SLC7A2: variants seen among roughly 807,000 people sequenced by gnomAD.
The protein encoded by SLC7A2 is cationic amino acid transporter 2.
A neutral mutation model predicts 58.9 loss-of-function variants in SLC7A2; 48 were observed. The observed-to-expected ratio is 0.82, with a 90% CI of 0.65 to 1.04. SLC7A2 has a LOEUF of 1.04. SLC7A2 is among the 50% of genes least tolerant of loss of function. The pLI, the probability that SLC7A2 is intolerant of heterozygous loss-of-function variation, is 0.00. For synonymous variants in SLC7A2, 363 were observed against 314.5 expected, an observed-to-expected ratio of 1.15 and a Z score of -1.63; for missense variants, 1,029 against 818.8, an observed-to-expected ratio of 1.26 and a Z score of -3.13.
intron 2 of SLC7A2, among the ~76,000 whole-genome samples, chr8:17,515,668 G>C (rs7007605): frequency 0.5 from 76,588 of 151,966 alleles, 21,099 homozygotes; most frequent in Non-Finnish European, 0.62. Flanking sequence ...TTGCTGTAAT[G>C]TACCTACCCA....
At chr8:17,563,505 A>G (rs1803119422) in intron 11 of SLC7A2, 98 bp from the exon 12 acceptor site, 6 of 726,608 alleles carry the variant, frequency 8.3e-6, no homozygotes. Flanking sequence ...ACGTGGTGTG[A>G]AAGTATATAT....
At chr8:17,554,331 G>A (rs7000018) in intron 7 of SLC7A2, among the ~76,000 whole-genome samples, 4,572 of 151,954 alleles carry the variant, frequency 0.03, 115 homozygotes, top group South Asian at 0.07. Context: ...ATTTTGCTGC[G>A]TACTTATCTG....
intron 2 of SLC7A2, among the ~76,000 whole-genome samples, chr8:17,530,446 A>T (rs1488981604): frequency 6.6e-6 from 1 of 152,146 alleles, no homozygotes; most frequent in Non-Finnish European, 1.5e-5. Context: ...TACTCGTTGG[A>T]GAATAGCAAC....
chr8:17,535,051 C>T (rs1233695214), intron 2 of SLC7A2, among the ~76,000 whole-genome samples: 2 of 152,118 alleles, frequency 1.3e-5, no homozygotes, highest in Non-Finnish European at 2.9e-5. Flanking sequence ...TCTTTCTCAT[C>T]CCTTATTTAT....
At chr8:17,545,539 A>C (rs540430062) in intron 4 of SLC7A2, among the ~76,000 whole-genome samples, 1 of 150,956 alleles carries the variant, frequency 6.6e-6, no homozygotes, top group Admixed American at 6.6e-5. Flanking sequence ...CTGGGACTAC[A>C]GGTGCGCGCC....
At chr8:17,516,033 C>T (rs974918436) in intron 2 of SLC7A2, among the ~76,000 whole-genome samples, 7 of 151,990 alleles carry the variant, frequency 4.6e-5, no homozygotes, top group Non-Finnish European at 1.0e-4. Context: ...CTACATCTTG[C>T]CATTCATGTA....
chr8:17,565,025 A>T lies in SLC7A2; in HGVS notation c.1856A>T (p.Asp619Val). The change falls in exon 13 of 13, where the codon GAT becomes GTT. Residue 619 changes from aspartate (D) to valine (V), a missense_variant. Coordinates refer to ENST00000494857, the MANE Select transcript of SLC7A2 (RefSeq NM_001370338.1). ...CTGAGAGATGAAAACAATGAAGAAG[A>T]TGCTTATCCAGACAACGTTCATGCA... ...GHLRDENNEE[D>V]AYPDNVHAAA... 6.2e-7 allele frequency: 1 copy of T among 1,613,946 alleles called. No individual in the cohort carries two copies. The highest frequency in any genetic ancestry group is 8.5e-7 in the Non-Finnish European group (1 of 1,179,926).
chr8:17,556,751 G>A (rs1050405033), intron 8 of SLC7A2, among the ~76,000 whole-genome samples: 11 of 151,982 alleles, frequency 7.2e-5, no homozygotes, highest in Non-Finnish European at 1.0e-4. Flanking sequence ...TCTGATTACA[G>A]TCACGTGCCA....
intron 2 of SLC7A2, among the ~76,000 whole-genome samples, chr8:17,536,953 G>C (rs1017627233): frequency 2.6e-5 from 4 of 152,182 alleles, no homozygotes; most frequent in African/African-American, 9.7e-5. Context: ...CAAGGCCTGG[G>C]GGGACAGAAA....
intron 2 of SLC7A2, among the ~76,000 whole-genome samples, chr8:17,522,528 T>G (rs1801056008): frequency 6.6e-6 from 1 of 152,098 alleles, no homozygotes; most frequent in Non-Finnish European, 1.5e-5. Context: ...CTGGGGAGGA[T>G]TCTTACTATA....
chr8:17,514,630 T>C (rs567012851), intron 2 of SLC7A2, among the ~76,000 whole-genome samples: 3 of 152,304 alleles, frequency 2.0e-5, no homozygotes, highest in South Asian at 2.1e-4. Flanking sequence ...TGGTAGAAGG[T>C]CCTTGCCTTG....
intron 8 of SLC7A2, among the ~76,000 whole-genome samples, chr8:17,555,496 G>A (rs1243452673): frequency 1.3e-5 from 2 of 151,888 alleles, no homozygotes; most frequent in Admixed American, 1.3e-4. Flanking sequence ...CAATTTTTTG[G>A]TCTAGGATAT....
At chr8:17,538,490 A>G (rs547024263) in intron 2 of SLC7A2, among the ~76,000 whole-genome samples, 1 of 152,330 alleles carries the variant, frequency 6.6e-6, no homozygotes, top group South Asian at 2.1e-4. Flanking sequence ...ACCACATGTG[A>G]TAGTCTTTTA....
At chr8:17,549,608 C>G (rs373805844) in intron 5 of SLC7A2, among the ~76,000 whole-genome samples, 1 of 152,156 alleles carries the variant, frequency 6.6e-6, no homozygotes, top group Non-Finnish European at 1.5e-5. Flanking sequence ...TTATTGTATT[C>G]TCTTAATGCT....
intron 2 of SLC7A2, among the ~76,000 whole-genome samples, chr8:17,508,662 T>C (rs1283823432): frequency 6.6e-6 from 1 of 151,930 alleles, no homozygotes; most frequent in Non-Finnish European, 1.5e-5. Context: ...AGATGGAGGT[T>C]ACAGTGAGGC....
In SLC7A2 at chr8:17,563,605, T is replaced by G; in HGVS notation, c.1674T>G (p.Val558=). The G allele has an allele frequency of 6.3e-7, 1 of 1,595,206 alleles. No individual in the cohort carries two copies. Among genetic ancestry groups the G allele is most frequent in the Non-Finnish European group, 8.6e-7 (1 of 1,163,804 alleles). The change falls in exon 12 of 13, where the codon GTT becomes GTG. Residue 558 remains valine (V), a splice_region_variant and synonymous_variant. Transcript: ENST00000494857. ...AAAAGGATTGTTTTCCCCCTCAGGT[T>G]CCATTCTTACCATTTTTGCCAGCGT... ...PQNQQKVAFM[V]PFLPFLPAFS...
intron 2 of SLC7A2, among the ~76,000 whole-genome samples, chr8:17,542,453 C>G (rs1429968895): frequency 1.3e-5 from 2 of 152,134 alleles, no homozygotes; most frequent in African/African-American, 4.8e-5. Flanking sequence ...GAATTCAAGA[C>G]CAGCATGGGC....
chr8:17,501,613 C>T (rs940586342), intron 1 of SLC7A2, among the ~76,000 whole-genome samples: 1 of 152,004 alleles, frequency 6.6e-6, no homozygotes, highest in Non-Finnish European at 1.5e-5. Context: ...TGATACGGGA[C>T]TTTATACACC....
At position 17,567,818 on chromosome 8, in the gene SLC7A2, T is replaced by A. The variant is rs936110421; in HGVS notation, c.*2672T>A. On this transcript the variant is annotated 3_prime_UTR_variant, in exon 13 of 13. Coordinates refer to ENST00000494857, the MANE Select transcript of SLC7A2 (RefSeq NM_001370338.1). ...TATAATGTTTCTAATATGAAATCAC[T>A]AAACTCTAGTACATTATAGCAGGTG... The A allele has an allele frequency of 6.6e-6, 1 of 152,220 alleles. No individual in the cohort carries two copies. Among genetic ancestry groups the A allele is most frequent in the Non-Finnish European group, 1.5e-5 (1 of 68,030 alleles). The allele number at this position is 152,220 out of a possible 1,614,324, so 9.4% of individuals were successfully genotyped here. A position where few individuals can be genotyped will look rare whatever the true frequency, so the allele number is the denominator to read the frequency against.
Sources: gnomAD v4.1 joint callset for allele counts (sites outside exome capture counted in the v4.1 genomes callset) on GRCh38, gnomAD v4.1.1 for gene constraint, MANE v1.5 for transcripts, NCBI Gene and HGNC (gene_info 2026-07-23, HGNC 2026-07-21) for gene names.